The following KCNAB1 variants were observed in gnomAD, a reference collection of about 807,000 sequenced individuals.
KCNAB1 encodes the protein voltage-gated potassium channel subunit beta-1.
A neutral mutation model predicts 64.6 loss-of-function variants in KCNAB1; 35 were observed. The ratio of observed to expected loss-of-function variants is 0.54; its 90% CI spans 0.41 to 0.72. The LOEUF (loss-of-function observed/expected upper bound fraction) is 0.72, where lower values mean the gene tolerates loss of function less well. Ranked by LOEUF, KCNAB1 falls within the 30% of genes least tolerant of loss-of-function variation. The pLI is 0.00. For synonymous variants in KCNAB1, 177 were observed against 183.8 expected, an observed-to-expected ratio of 0.96 and a Z score of 0.30; for missense variants, 401 against 512.9, an observed-to-expected ratio of 0.78 and a Z score of 2.11.
intron 1 of KCNAB1, among the ~76,000 whole-genome samples, chr3:156,228,238 G>T (rs1716302909): frequency 6.6e-6 from 1 of 152,118 alleles, no homozygotes; most frequent in African/African-American, 2.4e-5. Context: ...ACAGTCTTCA[G>T]ATGAAGGGGA....
intron 1 of KCNAB1, among the ~76,000 whole-genome samples, chr3:156,185,054 A>G (rs551757929): frequency 1.2e-4 from 19 of 152,358 alleles, no homozygotes; most frequent in African/African-American, 4.6e-4. Context: ...AAGGCCACAC[A>G]GAAAGAAAGT....
intron 1 of KCNAB1, among the ~76,000 whole-genome samples, chr3:156,397,617 C>T (rs1713557969): frequency 6.6e-6 from 1 of 151,374 alleles, no homozygotes; most frequent in Non-Finnish European, 1.5e-5. Context: ...GTTTCCTTCC[C>T]TTTTTTTTTC....
intron 1 of KCNAB1, among the ~76,000 whole-genome samples, chr3:156,416,733 G>A (rs1231210833): frequency 6.6e-6 from 1 of 152,166 alleles, no homozygotes. Flanking sequence ...GTGAAATTTG[G>A]TACATCTTCT....
chr3:156,129,844 A>C (rs1422927761), intron 1 of KCNAB1, among the ~76,000 whole-genome samples: 1 of 152,212 alleles, frequency 6.6e-6, no homozygotes, highest in Non-Finnish European at 1.5e-5. Flanking sequence ...TGGTCTTGAC[A>C]TGCTGCTTCC....
At chr3:156,361,100 G>T (rs1164606288) in intron 1 of KCNAB1, among the ~76,000 whole-genome samples, 1 of 152,106 alleles carries the variant, frequency 6.6e-6, no homozygotes, top group Non-Finnish European at 1.5e-5. Context: ...GCCTAACATA[G>T]CCCTACATGC....
chr3:156,322,716 AT>A (rs772014749), intron 1 of KCNAB1, among the ~76,000 whole-genome samples: 9 of 152,200 alleles, frequency 5.9e-5, no homozygotes, highest in Non-Finnish European at 8.8e-5. Context: ...TCTAATTCTT[AT>A]TCCTTTACCT....
intron 1 of KCNAB1, among the ~76,000 whole-genome samples, chr3:156,196,001 A>G (rs1444226175): frequency 6.6e-6 from 1 of 152,222 alleles, no homozygotes. Flanking sequence ...AGTTTTCTGC[A>G]TATGGCTAGC....
chr3:156,323,320 C>T (rs1310188390), intron 1 of KCNAB1, among the ~76,000 whole-genome samples: 3 of 152,078 alleles, frequency 2.0e-5, no homozygotes, highest in Admixed American at 1.3e-4. Context: ...AACTGAAATA[C>T]TTGTACTGTT....
At chr3:156,229,155 C>T (rs1344594166) in intron 1 of KCNAB1, among the ~76,000 whole-genome samples, 3 of 152,174 alleles carry the variant, frequency 2.0e-5, no homozygotes, top group Non-Finnish European at 4.4e-5. Context: ...TTCATTCTCA[C>T]ACTACTATAA....
chr3:156,371,999 G>T (rs1334953392), intron 1 of KCNAB1, among the ~76,000 whole-genome samples: 1 of 152,096 alleles, frequency 6.6e-6, no homozygotes, highest in African/African-American at 2.4e-5. Flanking sequence ...TTCATTATAA[G>T]CAAATAGTCA....
At chr3:156,152,997 T>G (rs1715503279) in intron 1 of KCNAB1, among the ~76,000 whole-genome samples, 1 of 152,256 alleles carries the variant, frequency 6.6e-6, no homozygotes, top group African/African-American at 2.4e-5. Flanking sequence ...TCTCTCTCAC[T>G]GGAATGTGAA....
chr3:156,284,351 G>C (rs1333814045), intron 1 of KCNAB1, among the ~76,000 whole-genome samples: 4 of 152,218 alleles, frequency 2.6e-5, no homozygotes, highest in African/African-American at 9.6e-5. Flanking sequence ...CGTGCTCGGA[G>C]AACCACTGCT....
chr3:156,149,411 T>C (rs1715255621), intron 1 of KCNAB1, among the ~76,000 whole-genome samples: 1 of 152,064 alleles, frequency 6.6e-6, no homozygotes, highest in South Asian at 2.1e-4. Context: ...GAAGGAAAAC[T>C]AGAGAGAAAC....
chr3:156,159,886 C>A (rs1048790402), intron 1 of KCNAB1, among the ~76,000 whole-genome samples: 8 of 152,198 alleles, frequency 5.3e-5, no homozygotes, highest in Admixed American at 2.0e-4. Flanking sequence ...GGCAATATCA[C>A]TGAGTTTACA....
chr3:156,163,409 C>G (rs1238704476), intron 1 of KCNAB1, among the ~76,000 whole-genome samples: 2 of 152,108 alleles, frequency 1.3e-5, no homozygotes, highest in Non-Finnish European at 2.9e-5. Context: ...TTGAGTCATG[C>G]CAGATAGTGG....
intron 6 of KCNAB1, among the ~76,000 whole-genome samples, chr3:156,464,912 A>G (rs890169211): frequency 2.0e-5 from 3 of 152,210 alleles, no homozygotes; most frequent in Non-Finnish European, 4.4e-5. Flanking sequence ...ATGTAGTAGA[A>G]TACTACCTAC....
intron 1 of KCNAB1, among the ~76,000 whole-genome samples, chr3:156,278,049 C>CG (rs1338336293): frequency 2.6e-5 from 4 of 152,138 alleles, no homozygotes; most frequent in African/African-American, 9.7e-5. Context: ...AAGAACTTAA[C>CG]TGTTACAGAA....
chr3:156,297,615 G>A (rs1325324726), intron 1 of KCNAB1, among the ~76,000 whole-genome samples: 1 of 152,152 alleles, frequency 6.6e-6, no homozygotes, highest in Non-Finnish European at 1.5e-5. Flanking sequence ...CCTTTCCCAT[G>A]CCATTCCTTT....
chr3:156,175,211 G>T (rs1356945507), intron 1 of KCNAB1, among the ~76,000 whole-genome samples: 1 of 150,658 alleles, frequency 6.6e-6, no homozygotes, highest in Non-Finnish European at 1.5e-5. Flanking sequence ...GAGAAATACA[G>T]AAAGAAAATA....
Sources: allele counts gnomAD v4.1 joint callset (sites outside exome capture counted in the v4.1 genomes callset), GRCh38; gene constraint gnomAD v4.1.1; transcripts MANE v1.5; gene names NCBI Gene and HGNC (gene_info 2026-07-23, HGNC 2026-07-21).